Variants in RAB31 observed in about 807,000 individuals in gnomAD.
The protein encoded by RAB31 is RAB31, member RAS oncogene family, also known as ras-related protein Rab-31.
RAB31 carries 21 observed loss-of-function variants against 25.6 expected under a neutral mutation model. The ratio of observed to expected loss-of-function variants is 0.82; its 90% CI spans 0.58 to 1.18. RAB31 has a LOEUF of 1.18. RAB31 is among the 50% of genes most tolerant of loss of function. The pLI, the probability that RAB31 is intolerant of heterozygous loss-of-function variation, is 0.00. For missense variants in RAB31, 196 were observed against 250.1 expected (o/e 0.78, Z 1.46); for synonymous variants, 87 against 84.0 (o/e 1.04, Z -0.20).
intron 6 of RAB31, among the ~76,000 whole-genome samples, chr18:9,846,266 C>T (rs964259672): frequency 6.6e-6 from 1 of 152,162 alleles, no homozygotes; most frequent in Non-Finnish European, 1.5e-5. Flanking sequence ...CACTGTATGC[C>T]GGCTCCCCGG....
chr18:9,750,133 G>A (rs1222690528), intron 1 of RAB31, among the ~76,000 whole-genome samples: 2 of 151,468 alleles, frequency 1.3e-5, no homozygotes, highest in South Asian at 4.2e-4. Flanking sequence ...GCAGCGAGAT[G>A]GTTGTCTACC....
chr18:9,717,767 G>T (rs911294382), intron 1 of RAB31, among the ~76,000 whole-genome samples: 2 of 152,176 alleles, frequency 1.3e-5, no homozygotes, highest in Non-Finnish European at 2.9e-5. Flanking sequence ...CATAAAATTT[G>T]CCCACTGCTG....
chr18:9,774,948 CT>C (rs2068364365), intron 1 of RAB31: 2 of 528,166 alleles, frequency 3.8e-6, no homozygotes, highest in African/African-American at 3.8e-5. Flanking sequence ...TGTTCACGTA[CT>C]TCTTCTCTAG....
intron 1 of RAB31, among the ~76,000 whole-genome samples, chr18:9,743,779 A>G (rs1202032694): frequency 6.6e-6 from 1 of 152,168 alleles, no homozygotes; most frequent in Non-Finnish European, 1.5e-5. Context: ...AAGTCTGTTT[A>G]TTTGTCTGCC....
At chr18:9,727,275 G>A (rs924227708) in intron 1 of RAB31, among the ~76,000 whole-genome samples, 4 of 152,160 alleles carry the variant, frequency 2.6e-5, no homozygotes, top group Admixed American at 2.6e-4. Context: ...GTCTTCAGAG[G>A]CCTTGTAAAA....
At chr18:9,718,677 G>T (rs192608437) in intron 1 of RAB31, among the ~76,000 whole-genome samples, 15 of 152,318 alleles carry the variant, frequency 9.8e-5, no homozygotes, top group African/African-American at 3.4e-4. Flanking sequence ...AAAAACAACA[G>T]AAATGTATTT....
intron 2 of RAB31, among the ~76,000 whole-genome samples, chr18:9,782,524 G>A (rs752414201): frequency 2.6e-5 from 4 of 152,222 alleles, no homozygotes; most frequent in Non-Finnish European, 4.4e-5. Context: ...AACATCTTGA[G>A]TGTGTGTGTA....
At chr18:9,729,175 A>G (rs758007543) in intron 1 of RAB31, among the ~76,000 whole-genome samples, 11 of 152,222 alleles carry the variant, frequency 7.2e-5, no homozygotes, top group Non-Finnish European at 1.3e-4. Flanking sequence ...AGTTAACTAT[A>G]TCAATCTTTT....
At chr18:9,798,827 C>T (rs973216114) in intron 3 of RAB31, among the ~76,000 whole-genome samples, 1 of 151,830 alleles carries the variant, frequency 6.6e-6, no homozygotes, top group Admixed American at 6.6e-5. Flanking sequence ...CAGTTGCTCA[C>T]GCCTGTAATC....
intron 6 of RAB31, among the ~76,000 whole-genome samples, chr18:9,857,873 A>G (rs2068827053): frequency 6.6e-6 from 1 of 151,852 alleles, no homozygotes; most frequent in South Asian, 2.1e-4. Flanking sequence ...ACAAAAAAAA[A>G]AAAAAATTTA....
At chr18:9,746,175 G>T (rs1417219124) in intron 1 of RAB31, among the ~76,000 whole-genome samples, 1 of 152,108 alleles carries the variant, frequency 6.6e-6, no homozygotes, top group Non-Finnish European at 1.5e-5. Context: ...GCATTTAGAA[G>T]AATAACATTT....
At chr18:9,740,577 G>A (rs2068173070) in intron 1 of RAB31, among the ~76,000 whole-genome samples, 1 of 152,082 alleles carries the variant, frequency 6.6e-6, no homozygotes, top group Non-Finnish European at 1.5e-5. Flanking sequence ...GCTGGGCGTG[G>A]TGGCGCACAC....
rs1347715856 is a variant in RAB31 at position 9,862,427 on chromosome 18, A to C, written c.*3102A>C. On this transcript the variant is annotated 3_prime_UTR_variant, in exon 7 of 7. Coordinates refer to ENST00000578921, the MANE Select transcript of RAB31 (RefSeq NM_006868.4). ...GCACATACAAGACACCGCTGCAGTC[A>C]GCTAGGACCTTTCCGCCATGTATTC... 6.6e-6 allele frequency: 1 copy of C among 152,258 alleles called. No homozygotes were observed. Among genetic ancestry groups the C allele is most frequent in the Non-Finnish European group, 1.5e-5 (1 of 68,044 alleles). 9.4% of individuals were successfully genotyped at this position (152,258 alleles called of 1,614,324 possible).
intron 5 of RAB31, among the ~76,000 whole-genome samples, chr18:9,824,221 T>C (rs554444651): frequency 6.6e-6 from 1 of 152,068 alleles, no homozygotes; most frequent in African/African-American, 2.4e-5. Flanking sequence ...TTTGTATGTG[T>C]GTGTGTATGT....
chr18:9,723,114 C>T (rs12326201), intron 1 of RAB31, among the ~76,000 whole-genome samples: 113,669 of 152,072 alleles, frequency 0.75, 42,797 homozygotes, highest in East Asian at 0.8. Flanking sequence ...GTGGTGTGGT[C>T]TTGGCTCACT....
rs117522818 is a variant in RAB31, at chr18:9,858,517, C to T, written c.491-711C>T. On this transcript the variant is annotated intron_variant, in intron 6 of 6. Coordinates refer to ENST00000578921, the MANE Select transcript of RAB31 (RefSeq NM_006868.4). ...AAATCACCTCATAAAGAAACCCATA[C>T]CCTTTAGCTGTCATCTCCCTGGCCC... Among the ~76,000 whole-genome samples the T allele has an allele frequency of 1.1e-3, 166 of 152,296 alleles. 1 individual carries two copies. The East Asian group carries it at 0.028, about 25-fold the overall frequency.
At chr18:9,818,894 G>A (rs553284273) in intron 5 of RAB31, among the ~76,000 whole-genome samples, 2 of 152,258 alleles carry the variant, frequency 1.3e-5, no homozygotes, top group South Asian at 2.1e-4. Context: ...GTTAATAAAT[G>A]TCTTTTCATA....
In RAB31 at chr18:9,851,822, A is replaced by G. The variant is rs2068790585; in HGVS notation, c.490+6131A>G. Among the ~76,000 whole-genome samples the G allele has an allele frequency of 2.0e-5, 3 of 152,174 alleles. No homozygotes were observed. In the South Asian group the frequency reaches 6.2e-4, roughly 32 times the overall value. ...AAATGGAAGTTACAGAGCAGTTCAT[A>G]TAATATCCTTATTTCACAATATATC... On this transcript the variant is annotated intron_variant, in intron 6 of 6. Coordinates refer to ENST00000578921, the MANE Select transcript of RAB31 (RefSeq NM_006868.4).
At chr18:9,833,089 CAAG>C (rs1299021555) in intron 5 of RAB31, among the ~76,000 whole-genome samples, 7 of 152,318 alleles carry the variant, frequency 4.6e-5, no homozygotes, top group Non-Finnish European at 7.3e-5. Flanking sequence ...GCAACCACTA[CAAG>C]AAGATGACCC....
Sources: gnomAD v4.1 joint callset for allele counts (sites outside exome capture counted in the v4.1 genomes callset) on GRCh38, gnomAD v4.1.1 for gene constraint, MANE v1.5 for transcripts, NCBI Gene and HGNC (gene_info 2026-07-23, HGNC 2026-07-21) for gene names.